Variants in LRMDA observed in about 807,000 individuals in gnomAD.
LRMDA encodes the protein leucine rich melanocyte differentiation associated, also known as leucine-rich melanocyte differentiation-associated protein.
LRMDA carries 18 observed loss-of-function variants against 29.8 expected under a neutral mutation model. The observed-to-expected ratio is 0.60, with a 90% CI of 0.42 to 0.90. LRMDA has a LOEUF of 0.90. LRMDA is among the 40% of genes least tolerant of loss of function. LRMDA has a pLI of 0.00. For missense variants in LRMDA, 273 were observed against 273.9 expected (o/e 1.00, Z 0.02); for synonymous variants, 125 against 109.4 (o/e 1.14, Z -0.89).
chr10:75,971,036 C>T (rs1330764566), intron 2 of LRMDA, among the ~76,000 whole-genome samples: 1 of 152,144 alleles, frequency 6.6e-6, no homozygotes, highest in Non-Finnish European at 1.5e-5. Flanking sequence ...TCCTCAGTGA[C>T]AGTAAATGTG....
At chr10:76,278,043 A>G (rs1368546780) in intron 5 of LRMDA, among the ~76,000 whole-genome samples, 1 of 152,170 alleles carries the variant, frequency 6.6e-6, no homozygotes, top group East Asian at 1.9e-4. Flanking sequence ...CTCAGTCAGA[A>G]GAAGGAGAAG....
chr10:75,984,666 C>T (rs1014410110), intron 2 of LRMDA, among the ~76,000 whole-genome samples: 5 of 152,352 alleles, frequency 3.3e-5, no homozygotes, highest in East Asian at 1.9e-4. Flanking sequence ...AGAGGGCTCA[C>T]GTGGCATGCC....
chr10:75,968,127 C>T (rs950633852), intron 2 of LRMDA, among the ~76,000 whole-genome samples: 5 of 151,942 alleles, frequency 3.3e-5, no homozygotes, highest in African/African-American at 9.7e-5. Flanking sequence ...AGCATCTCTC[C>T]ACCTGGTCTG....
At chr10:76,441,417 TTATGTCATCTGTAAAATGGGGA>T (rs1842301276) in intron 6 of LRMDA, among the ~76,000 whole-genome samples, 2 of 152,186 alleles carry the variant, frequency 1.3e-5, no homozygotes, top group African/African-American at 2.4e-5. Context: ...TGTGCCACGG[TTATGTCATCTGTAAAATGGGGA>T]TACTGATAGT....
intron 2 of LRMDA, among the ~76,000 whole-genome samples, chr10:76,013,295 A>ATT (rs59047696): frequency 1.5e-3 from 202 of 138,098 alleles, no homozygotes; most frequent in African/African-American, 4.8e-3. Flanking sequence ...AGATGATTTA[A>ATT]TTTTTTTTTT....
At chr10:76,370,848 T>C (rs2132457757) in intron 6 of LRMDA, among the ~76,000 whole-genome samples, 1 of 152,172 alleles carries the variant, frequency 6.6e-6, no homozygotes, top group East Asian at 1.9e-4. Flanking sequence ...CCATTATAAG[T>C]TGAGGATGGA....
chr10:76,381,079 C>A (rs1194653872), intron 6 of LRMDA, among the ~76,000 whole-genome samples: 1 of 132,302 alleles, frequency 7.6e-6, no homozygotes, highest in Admixed American at 8.6e-5. Flanking sequence ...CTAATGGTCA[C>A]CAGGGTACTT....
At chr10:75,720,587 G>A (rs1842554708) in intron 2 of LRMDA, among the ~76,000 whole-genome samples, 1 of 152,246 alleles carries the variant, frequency 6.6e-6, no homozygotes, top group South Asian at 2.1e-4. Flanking sequence ...AAATTGTGTC[G>A]ACTTCTGAAT....
In LRMDA at chr10:76,324,490, G is replaced by GAACTGGA; in HGVS notation, c.601+9_601+10insGGAAACT. The GAACTGGA allele has an allele frequency of 6.2e-7, 1 of 1,613,988 alleles. No individual in the cohort carries two copies. The highest frequency in any genetic ancestry group is 8.5e-7 in the Non-Finnish European group (1 of 1,179,938). ...GGGAACTCACCAGTCACCAAGGTTG[G>GAACTGGA]AACTCAGCTTTTTATTGCTCTCAGT... On this transcript the variant is annotated splice_donor_region_variant and intron_variant, in intron 6 of 6. Coordinates refer to ENST00000611255, the MANE Select transcript of LRMDA (RefSeq NM_001305581.2).
intron 2 of LRMDA, among the ~76,000 whole-genome samples, chr10:75,861,649 A>G (rs920640523): frequency 3.3e-5 from 5 of 152,336 alleles, no homozygotes; most frequent in Non-Finnish European, 7.3e-5. Context: ...AAAAAAAAAG[A>G]TAGTTTCTTG....
intron 6 of LRMDA, among the ~76,000 whole-genome samples, chr10:76,466,829 A>G (rs1564549583): frequency 6.6e-6 from 1 of 152,144 alleles, no homozygotes; most frequent in Non-Finnish European, 1.5e-5. Flanking sequence ...AGCAGCACAG[A>G]TTCCTTCAGC....
chr10:75,610,509 A>G (rs1841015294), intron 2 of LRMDA, among the ~76,000 whole-genome samples: 1 of 151,796 alleles, frequency 6.6e-6, no homozygotes, highest in African/African-American at 2.4e-5. Context: ...CCACACATAC[A>G]CTCATGTATG....
intron 2 of LRMDA, among the ~76,000 whole-genome samples, chr10:75,664,547 G>T (rs1448008522): frequency 1.3e-5 from 2 of 152,108 alleles, no homozygotes; most frequent in African/African-American, 4.8e-5. Flanking sequence ...GGAGGGAAGG[G>T]GTTTAGGAGT....
At chr10:76,012,266 T>C (rs963928617) in intron 2 of LRMDA, among the ~76,000 whole-genome samples, 4 of 152,238 alleles carry the variant, frequency 2.6e-5, no homozygotes, top group Admixed American at 6.5e-5. Flanking sequence ...CTGCACTTTG[T>C]CATCAGACAT....
chr10:75,569,909 G>A (rs1285062383), intron 2 of LRMDA, among the ~76,000 whole-genome samples: 2 of 152,228 alleles, frequency 1.3e-5, no homozygotes, highest in South Asian at 2.1e-4. Context: ...CAGTTTTGTT[G>A]AAGGCATGGC....
intron 6 of LRMDA, among the ~76,000 whole-genome samples, chr10:76,349,780 A>C (rs982827063): frequency 1.3e-5 from 2 of 152,112 alleles, no homozygotes; most frequent in Admixed American, 1.3e-4. Flanking sequence ...CTCTATTGGA[A>C]AACAATTGAT....
chr10:75,945,611 T>C (rs1255034573), intron 2 of LRMDA, among the ~76,000 whole-genome samples: 1 of 152,206 alleles, frequency 6.6e-6, no homozygotes, highest in Admixed American at 6.5e-5. Context: ...AATTTTATAA[T>C]TTTCATCAAT....
At chr10:76,151,592 C>T (rs959642230) in intron 5 of LRMDA, among the ~76,000 whole-genome samples, 3 of 152,206 alleles carry the variant, frequency 2.0e-5, no homozygotes, top group African/African-American at 7.2e-5. Flanking sequence ...ATATTTCCCT[C>T]TACCCATTCT....
chr10:76,351,398 T>C (rs1398630839), intron 6 of LRMDA, among the ~76,000 whole-genome samples: 1 of 152,204 alleles, frequency 6.6e-6, no homozygotes, highest in Admixed American at 6.5e-5. Context: ...ACATGGAGAC[T>C]GTGTAAATTG....
Sources: allele counts gnomAD v4.1 joint callset (sites outside exome capture counted in the v4.1 genomes callset), GRCh38; gene constraint gnomAD v4.1.1; transcripts MANE v1.5; gene names NCBI Gene and HGNC (gene_info 2026-07-23, HGNC 2026-07-21).